Variants in CNKSR3 observed in about 807,000 individuals in gnomAD.
The protein encoded by CNKSR3 is CNKSR family member 3, also known as connector enhancer of kinase suppressor of ras 3.
A neutral mutation model predicts 67.7 loss-of-function variants in CNKSR3; 36 were observed. That is an observed-to-expected ratio of 0.53 (90% CI 0.41 to 0.70). The LOEUF is 0.70. Among genes scored for constraint, CNKSR3 ranks in the 30% least tolerant of loss-of-function variants. The probability of loss-of-function intolerance (pLI) is 0.00; values close to 1 mark genes in which losing one functional copy is unlikely to be tolerated. For synonymous variants in CNKSR3, 281 were observed against 271.4 expected (o/e 1.04, Z -0.35); for missense variants, 630 against 695.2 (o/e 0.91, Z 1.05).
At chr6:154,451,471 G>GAA (rs1785824852) in intron 1 of CNKSR3, among the ~76,000 whole-genome samples, 1 of 95,038 alleles carries the variant, frequency 1.1e-5, no homozygotes, top group Non-Finnish European at 2.1e-5. Context: ...CCCACCAAAC[G>GAA]CGCACACACA....
intron 1 of CNKSR3, among the ~76,000 whole-genome samples, chr6:154,462,760 GAGCCCAGC>G (rs1786107665): frequency 6.6e-6 from 1 of 152,122 alleles, no homozygotes. Context: ...GTATATGAAG[GAGCCCAGC>G]ATTCTGTTAT....
chr6:154,485,669 T>C (rs1451378373), intron 1 of CNKSR3, among the ~76,000 whole-genome samples: 1 of 152,192 alleles, frequency 6.6e-6, no homozygotes, highest in Non-Finnish European at 1.5e-5. Flanking sequence ...TTTGACACGG[T>C]GGGCATCATT....
intron 1 of CNKSR3, among the ~76,000 whole-genome samples, chr6:154,486,318 C>T (rs1321288901): frequency 5.5e-5 from 8 of 145,144 alleles, no homozygotes; most frequent in South Asian, 4.3e-4. Flanking sequence ...TTTTTTTAGA[C>T]GGAGTCTCAC....
intron 10 of CNKSR3, among the ~76,000 whole-genome samples, chr6:154,413,095 A>C (rs1728270312): frequency 6.6e-6 from 1 of 151,378 alleles, no homozygotes; most frequent in Non-Finnish European, 1.5e-5. Flanking sequence ...TACAGTATTC[A>C]AGTTAGCCAT....
chr6:154,422,139 C>T (rs933439587), intron 9 of CNKSR3, among the ~76,000 whole-genome samples: 12 of 151,980 alleles, frequency 7.9e-5, no homozygotes, highest in South Asian at 2.1e-4. Context: ...ACTATAGGCG[C>T]GCACCACCAT....
chr6:154,493,184 G>T (rs1786815301), intron 1 of CNKSR3, among the ~76,000 whole-genome samples: 1 of 152,078 alleles, frequency 6.6e-6, no homozygotes, highest in Non-Finnish European at 1.5e-5. Flanking sequence ...CAGGACACAT[G>T]CACTCGCTGT....
At chr6:154,449,980 T>C (rs1335293881) in intron 2 of CNKSR3, 115 bp downstream of exon 2, 13 of 1,047,346 alleles carry the variant, frequency 1.2e-5, no homozygotes, top group Middle Eastern at 3.3e-4. Context: ...TCATGTTTTA[T>C]TTTGATGGAG....
chr6:154,455,951 G>C (rs1323921796), intron 1 of CNKSR3, among the ~76,000 whole-genome samples: 1 of 151,884 alleles, frequency 6.6e-6, no homozygotes, highest in African/African-American at 2.4e-5. Context: ...AGTGTAGAAA[G>C]GATTATATAC....
chr6:154,436,521 T>G (rs1785475484), intron 4 of CNKSR3, among the ~76,000 whole-genome samples: 1 of 152,132 alleles, frequency 6.6e-6, no homozygotes, highest in Non-Finnish European at 1.5e-5. Context: ...TCCTAATTCT[T>G]TTTTTTGTTG....
chr6:154,411,633 CAAAAAAA>C (rs57943019), intron 10 of CNKSR3, among the ~76,000 whole-genome samples: 3 of 103,406 alleles, frequency 2.9e-5, no homozygotes, highest in Non-Finnish European at 3.8e-5. Context: ...GACTCCATCT[CAAAAAAA>C]AAAAAAAAAA....
intron 10 of CNKSR3, among the ~76,000 whole-genome samples, chr6:154,412,181 G>A (rs1177741343): frequency 1.3e-5 from 2 of 152,138 alleles, no homozygotes; most frequent in African/African-American, 4.8e-5. Context: ...AGGTGGGATG[G>A]CATCCACCTA....
chr6:154,456,404 A>G (rs11756442), intron 1 of CNKSR3, among the ~76,000 whole-genome samples: 1 of 151,858 alleles, frequency 6.6e-6, no homozygotes, highest in East Asian at 1.9e-4. Flanking sequence ...TTTAAGAATC[A>G]CAAGTGACAT....
chr6:154,493,529 T>C (rs1292143271), intron 1 of CNKSR3, among the ~76,000 whole-genome samples: 1 of 152,216 alleles, frequency 6.6e-6, no homozygotes, highest in Non-Finnish European at 1.5e-5. Flanking sequence ...AAGTGCCAAT[T>C]AACTGGGCAC....
chr6:154,451,698 G>A (rs12192957), intron 1 of CNKSR3, among the ~76,000 whole-genome samples: 107,010 of 152,168 alleles, frequency 0.7, 37,975 homozygotes, highest in East Asian at 0.9. Context: ...TCTCTGCCCT[G>A]CAAATGTTCA....
At chr6:154,491,049 G>A (rs1259078281) in intron 1 of CNKSR3, among the ~76,000 whole-genome samples, 2 of 152,060 alleles carry the variant, frequency 1.3e-5, no homozygotes, top group African/African-American at 4.8e-5. Context: ...GTTTCTCCAT[G>A]TTGGTCAGGC....
chr6:154,486,819 T>G (rs1298676074), intron 1 of CNKSR3, among the ~76,000 whole-genome samples: 2 of 152,170 alleles, frequency 1.3e-5, no homozygotes, highest in Non-Finnish European at 2.9e-5. Context: ...AAAATATTTT[T>G]TAATTAAAAA....
chr6:154,429,346 C>G (rs1197623659), intron 6 of CNKSR3, among the ~76,000 whole-genome samples: 2 of 152,166 alleles, frequency 1.3e-5, no homozygotes, highest in African/African-American at 4.8e-5. Flanking sequence ...TCTCCTGATT[C>G]CTCTCCTATC....
At chr6:154,456,054 T>C (rs1030860384) in intron 1 of CNKSR3, among the ~76,000 whole-genome samples, 9 of 152,082 alleles carry the variant, frequency 5.9e-5, no homozygotes, top group Non-Finnish European at 1.0e-4. Flanking sequence ...GCTATTCTCA[T>C]TTTCTGTAAA....
In CNKSR3 at chr6:154,394,122, G is replaced by C. The variant is rs527284161; in HGVS notation, c.*12232C>G. The C allele has an allele frequency of 6.6e-6, 1 of 152,132 alleles. No homozygotes were observed. The highest frequency in any genetic ancestry group is 2.4e-5 in the African/African-American group (1 of 41,404). The allele number at this position is 152,132 out of a possible 1,614,324, so 9.4% of individuals were successfully genotyped here. On this transcript the variant is annotated 3_prime_UTR_variant, in exon 13 of 13. Transcript: ENST00000607772. ...TAACCTCAAACTCCTGGGCTCCAGC[G>C]ATTATCCCACCTCAGCCTCCCAAAT...
Sources: allele counts gnomAD v4.1 joint callset (sites outside exome capture counted in the v4.1 genomes callset), GRCh38; gene constraint gnomAD v4.1.1; transcripts MANE v1.5; gene names NCBI Gene and HGNC (gene_info 2026-07-23, HGNC 2026-07-21).